Variants in EFNB2 observed in about 807,000 individuals in gnomAD.
EFNB2 encodes the protein ephrin B2, also known as ephrin-B2.
In EFNB2, 5 loss-of-function variants were observed where a neutral mutation model predicts 32.1. The observed-to-expected ratio is 0.16, with a 90% CI of 0.08 to 0.33. The LOEUF is 0.33. Among genes scored for constraint, EFNB2 ranks in the 10% least tolerant of loss-of-function variants. The pLI, the probability that EFNB2 is intolerant of heterozygous loss-of-function variation, is 1.00. For synonymous variants in EFNB2, 168 were observed against 166.5 expected (o/e 1.01, Z -0.07); for missense variants, 263 against 422.6 (o/e 0.62, Z 3.31).
Position 106,490,785 on chromosome 13 carries a change from T to C in EFNB2, c.*2255A>G, listed in dbSNP as rs1878375785. On this transcript the variant is annotated 3_prime_UTR_variant, in exon 5 of 5. Coordinates refer to ENST00000646441, the MANE Select transcript of EFNB2 (RefSeq NM_004093.4). ...ATTGTAGATATATATTATACATATA[T>C]GTACACATGTATACCACGCACCCAC... 6.6e-6 allele frequency: 1 copy of C among 152,264 alleles called. No individual in the cohort carries two copies. The highest frequency in any genetic ancestry group is 1.5e-5 in the Non-Finnish European group (1 of 67,988). The allele number at this position is 152,264 out of a possible 1,614,324, so 9.4% of individuals were successfully genotyped here.
rs1566453711 is a variant in EFNB2, at chr13:106,493,195, C to T, written c.847G>A (p.Gly283Ser). Residue 283 changes from glycine (G) to serine (S), a missense_variant, in exon 5 of 5, where the codon GGC becomes AGC. Gly to Ser is a moderately conservative substitution (Grantham distance 56). Coordinates refer to ENST00000646441, the MANE Select transcript of EFNB2 (RefSeq NM_004093.4). The surrounding 1 kb of genome is among the most constrained non-coding windows in gnomAD (Gnocchi z 6.1). The part of the protein sequence containing the change: ...ATPKRSGNNN[G>S]SEPSDIIIPL... The stretch of plus-strand genomic sequence containing the variant: ...ATGATAATGTCACTGGGCTCTGAGC[C>T]GTTGTTGTTGCCGCTGCGCTTGGGT... 3.1e-6 allele frequency: 5 copies of T among 1,614,074 alleles called. No homozygotes were observed. Among genetic ancestry groups the T allele is most frequent in the Admixed American group, 1.7e-5 (1 of 60,004 alleles).
chr13:106,514,303 A>G (rs1182415869), intron 1 of EFNB2, among the ~76,000 whole-genome samples: 2 of 152,224 alleles, frequency 1.3e-5, no homozygotes, highest in African/African-American at 4.8e-5. Context: ...CTGTTGAAGA[A>G]TTCTCTAGAA....
At position 106,534,875 on chromosome 13, in the gene EFNB2, T is replaced by C. The variant is rs1175847343; in HGVS notation, c.90A>G (p.Leu30=). Reference sequence around the variant, plus strand: ...TCGAGGAATTCCAATAGATAGGCTCTAAAACTATCGATTTGGAAATCGCAG... The same window carrying C: ...TCGAGGAATTCCAATAGATAGGCTCCAAAACTATCGATTTGGAAATCGCAG... ...CRTAISKSIV[L]EPIYWNSSNS... Residue 30 remains leucine, a synonymous_variant, in exon 1 of 5, where the codon TTA becomes TTG. Transcript: ENST00000646441. The C allele has an allele frequency of 6.2e-7, 1 of 1,613,468 alleles. No individual in the cohort carries two copies. Among genetic ancestry groups the C allele is most frequent in the Non-Finnish European group, 8.5e-7 (1 of 1,179,700 alleles).
rs1410657303 is a variant in EFNB2 at position 106,518,115 on chromosome 13, G to A, written c.123-5303C>T. 1.3e-5 allele frequency: 2 copies of A among 152,200 alleles called. No homozygotes were observed. The highest frequency in any genetic ancestry group is 3.9e-4 in the East Asian group (2 of 5,184). 9.4% of individuals were successfully genotyped at this position (152,200 alleles called of 1,614,324 possible). A position where few individuals can be genotyped will look rare whatever the true frequency, so the allele number is the denominator to read the frequency against. On this transcript the variant is annotated intron_variant, in intron 1 of 4. Coordinates refer to ENST00000646441, the MANE Select transcript of EFNB2 (RefSeq NM_004093.4). The surrounding 1 kb of genome is among the most constrained non-coding windows in gnomAD (Gnocchi z 4.1). Reference sequence around the variant, plus strand: ...AGCACTTTGGGAGGCTGAGGCGGGTGGATCACGAGGTCAGGAGTTCAAGAC... The same window carrying A: ...AGCACTTTGGGAGGCTGAGGCGGGTAGATCACGAGGTCAGGAGTTCAAGAC...
At position 106,493,913 on chromosome 13, in the gene EFNB2, G is replaced by A. The variant is rs1049446638; in HGVS notation, c.614-485C>T. Among the ~76,000 whole-genome samples, 2 of 152,240 alleles carry A rather than the reference G, an allele frequency of 1.3e-5. No individual in the cohort carries two copies. The highest frequency in any genetic ancestry group is 1.9e-4 in the East Asian group (1 of 5,202). ...TGGCAGAACAGAACAGCTCGGGAAC[G>A]CGGAAGGAGTGAGGGGGCCTGGGAA... is the stretch of plus-strand genomic sequence containing the variant. On this transcript the variant is annotated intron_variant, in intron 4 of 4. Coordinates refer to ENST00000646441, the MANE Select transcript of EFNB2 (RefSeq NM_004093.4). This position sits in a 1 kb window ranked among gnomAD's most constrained non-coding sequence, Gnocchi z 6.1.
At chr13:106,526,585 G>GC (rs1879709002) in intron 1 of EFNB2, among the ~76,000 whole-genome samples, 1 of 85,748 alleles carries the variant, frequency 1.2e-5, no homozygotes, top group Non-Finnish European at 2.8e-5. Context: ...CCCATAGCAA[G>GC]GGGGGGATTC....
chr13:106,519,535 T>G (rs1322060852), intron 1 of EFNB2: 1 of 152,242 alleles, frequency 6.6e-6, no homozygotes, highest in African/African-American at 2.4e-5. Context: ...AAGAATTATT[T>G]TATTTTTCTT....
chr13:106,497,789 A>C (rs543999551), intron 2 of EFNB2, among the ~76,000 whole-genome samples: 6 of 152,240 alleles, frequency 3.9e-5, no homozygotes, highest in African/African-American at 1.2e-4. Flanking sequence ...TAAATTTTAA[A>C]GTATCCTTTC....
intron 1 of EFNB2, among the ~76,000 whole-genome samples, chr13:106,523,275 G>A (rs746545553): frequency 2.6e-5 from 4 of 152,092 alleles, no homozygotes; most frequent in South Asian, 2.1e-4. Flanking sequence ...ACTTCCATAC[G>A]GATCGCCCCC....
intron 1 of EFNB2, among the ~76,000 whole-genome samples, chr13:106,522,818 G>A (rs977635471): frequency 1.3e-5 from 2 of 152,168 alleles, no homozygotes; most frequent in Non-Finnish European, 2.9e-5. Context: ...CTCCAGGATT[G>A]AGTCTGTCTC....
chr13:106,534,871 G>T lies in EFNB2; in HGVS notation c.94C>A (p.Pro32Thr). The change falls in exon 1 of 5, where the codon CCT becomes ACT. Residue 32 changes from proline to threonine, a missense_variant. Coordinates refer to ENST00000646441, the MANE Select transcript of EFNB2 (RefSeq NM_004093.4). ...TAISKSIVLE[P>T]IYWNSSNSKF... is the part of the protein sequence containing the mutation. ...GAGTTCGAGGAATTCCAATAGATAG[G>T]CTCTAAAACTATCGATTTGGAAATC... 1 of 1,613,400 alleles carries T rather than the reference G, an allele frequency of 6.2e-7. No individual in the cohort carries two copies.
intron 1 of EFNB2, among the ~76,000 whole-genome samples, chr13:106,528,159 T>C (rs1041712017): frequency 6.6e-6 from 1 of 152,200 alleles, no homozygotes; most frequent in Non-Finnish European, 1.5e-5. Context: ...GATCTGTTAA[T>C]ACAGACTGCT....
chr13:106,532,427 A>C (rs1187498567), intron 1 of EFNB2, among the ~76,000 whole-genome samples: 1 of 152,150 alleles, frequency 6.6e-6, no homozygotes, highest in Non-Finnish European at 1.5e-5. Flanking sequence ...TGAAACTTCA[A>C]TGCATTTGAT....
In EFNB2 at chr13:106,512,683, G is replaced by C. The variant is rs776251962; in HGVS notation, c.252C>G (p.Asp84Glu). The C allele has an allele frequency of 1.9e-6, 3 of 1,613,710 alleles. No individual in the cohort carries two copies. Among genetic ancestry groups the C allele is most frequent in the Non-Finnish European group, 2.5e-6 (3 of 1,179,908 alleles). Residue 84 changes from aspartate (D) to glutamate (E), a missense_variant, in exon 2 of 5, where the codon GAC (aspartate) becomes GAG (glutamate). By Grantham distance (45) the Asp-to-Glu change is conservative. Coordinates refer to ENST00000646441, the MANE Select transcript of EFNB2 (RefSeq NM_004093.4). ...TCTTAATAGTGCATCTGTCTGCTTGGTCTTTATCAACCATATAAACTTTAT... is the reference window on the plus strand; with the variant it reads ...TCTTAATAGTGCATCTGTCTGCTTGCTCTTTATCAACCATATAAACTTTAT... Reference protein sequence around the residue: ...EYYKVYMVDKDQADRCTIKKE... With the variant: ...EYYKVYMVDKEQADRCTIKKE...
In EFNB2 at chr13:106,490,938, G is replaced by A. The variant is rs899123225; in HGVS notation, c.*2102C>T. The A allele has an allele frequency of 6.8e-4, 24 of 35,362 alleles. No individual in the cohort carries two copies. Among genetic ancestry groups the A allele is most frequent in the African/African-American group, 1.5e-3 (22 of 14,864 alleles). The allele number at this position is 35,362 out of a possible 1,614,324, so 2.2% of individuals were successfully genotyped here. A position where few individuals can be genotyped will look rare whatever the true frequency, so the allele number is the denominator to read the frequency against. On this transcript the variant is annotated 3_prime_UTR_variant, in exon 5 of 5. Coordinates refer to ENST00000646441, the MANE Select transcript of EFNB2 (RefSeq NM_004093.4). Reference sequence around the variant, plus strand: ...GGTCTGAGAACCTTAAAATGCTGTCGCTACATTTTTTTTCCCTTCCAATTC... The same window carrying A: ...GGTCTGAGAACCTTAAAATGCTGTCACTACATTTTTTTTCCCTTCCAATTC...
At chr13:106,529,081 G>A (rs1041219805) in intron 1 of EFNB2, among the ~76,000 whole-genome samples, 9 of 152,194 alleles carry the variant, frequency 5.9e-5, no homozygotes, top group Non-Finnish European at 4.4e-5. Context: ...GGGTGGGAAA[G>A]ACAAAACTCA....
At chr13:106,533,193 G>C (rs1322416429) in intron 1 of EFNB2, among the ~76,000 whole-genome samples, 1 of 151,484 alleles carries the variant, frequency 6.6e-6, no homozygotes, top group African/African-American at 2.4e-5. Flanking sequence ...GCCTGGCGCT[G>C]CGCGATTCCG....
In EFNB2 at chr13:106,492,750, G is replaced by A. The variant is rs1163200549; in HGVS notation, c.*290C>T. 3.1e-6 allele frequency: 1 copy of A among 322,746 alleles called. No homozygotes were observed. The allele number at this position is 322,746 out of a possible 1,614,324, so 20.0% of individuals were successfully genotyped here. Reference sequence around the variant, plus strand: ...CCTTGGCTTCTGCAGAGGCCTGAGTGACCGCAGCACATGGCTTCGAGGAGG... The same window carrying A: ...CCTTGGCTTCTGCAGAGGCCTGAGTAACCGCAGCACATGGCTTCGAGGAGG... On this transcript the variant is annotated 3_prime_UTR_variant, in exon 5 of 5. Coordinates refer to ENST00000646441, the MANE Select transcript of EFNB2 (RefSeq NM_004093.4). This position sits in a 1 kb window ranked among gnomAD's most constrained non-coding sequence, Gnocchi z 5.1.
chr13:106,531,559 A>G (rs1182904313), intron 1 of EFNB2, among the ~76,000 whole-genome samples: 1 of 152,252 alleles, frequency 6.6e-6, no homozygotes, highest in African/African-American at 2.4e-5. Context: ...TTCAGACACA[A>G]TGGAAGGCAG....
Sources: gnomAD v4.1 joint callset for allele counts (sites outside exome capture counted in the v4.1 genomes callset) on GRCh38, gnomAD v4.1.1 for gene constraint, Gnocchi (gnomAD v3.1) non-coding constraint, MANE v1.5 for transcripts, NCBI Gene and HGNC (gene_info 2026-07-23, HGNC 2026-07-21) for gene names.